Variants in RAB12 observed in about 807,000 individuals in gnomAD.
The protein encoded by RAB12 is RAB12, member RAS oncogene family.
Under a neutral mutation model 28.4 loss-of-function variants are expected in RAB12, and 11 were observed. That is an observed-to-expected ratio of 0.39 (90% CI 0.24 to 0.64). The LOEUF is 0.64. Ranked by LOEUF, RAB12 falls within the 30% of genes least tolerant of loss-of-function variation. The probability of loss-of-function intolerance (pLI) is 0.50; values close to 1 mark genes in which losing one functional copy is unlikely to be tolerated. For missense variants in RAB12, 276 were observed against 351.1 expected (o/e 0.79, Z 1.71); for synonymous variants, 138 against 145.3 (o/e 0.95, Z 0.36).
intron 1 of RAB12, among the ~76,000 whole-genome samples, chr18:8,613,485 C>T (rs930327621): frequency 6.6e-6 from 1 of 151,936 alleles, no homozygotes; most frequent in Admixed American, 6.6e-5. Flanking sequence ...CTAGCAATGC[C>T]GAATTCTTGA....
In RAB12 at chr18:8,633,184, C is replaced by G. The variant is rs757541881; in HGVS notation, c.576-5C>G. 38 of 1,613,748 alleles carry G rather than the reference C, an allele frequency of 2.4e-5. No homozygotes were observed. The highest frequency in any genetic ancestry group is 3.1e-5 in the Non-Finnish European group (36 of 1,179,936). ...TGGGAACTGACTTTGGCTGCTTTTT[C>G]TTAGGGACACAGCAGGTCAGGAGAG... On this transcript the variant is annotated splice_region_variant and splice_polypyrimidine_tract_variant and intron_variant, in intron 2 of 5. Coordinates refer to ENST00000649141, the MANE Select transcript of RAB12 (RefSeq NM_001025300.3).
At chr18:8,613,869 G>GTAGTAGTA (rs1567892104) in intron 1 of RAB12, among the ~76,000 whole-genome samples, 1 of 132,106 alleles carries the variant, frequency 7.6e-6, no homozygotes, top group Non-Finnish European at 1.6e-5. Context: ...TAGTAGTAGT[G>GTAGTAGTA]GTCACTGCTA....
intron 1 of RAB12, 67 bp downstream of exon 1, chr18:8,610,020 G>C (rs1253673262): frequency 7.9e-7 from 1 of 1,269,082 alleles, no homozygotes; most frequent in Non-Finnish European, 1.1e-6. Flanking sequence ...TCGCCCCGTG[G>C]GCTTCGAGTC....
At chr18:8,630,722 C>A (rs1260761124) in intron 2 of RAB12, among the ~76,000 whole-genome samples, 1 of 152,180 alleles carries the variant, frequency 6.6e-6, no homozygotes, top group Non-Finnish European at 1.5e-5. Context: ...TGGCCAGTGT[C>A]AGCCTGGAGA....
chr18:8,638,561 TAAATA>T lies in RAB12; in HGVS notation c.*301_*305del. 1 of 229,026 alleles carries T rather than the reference TAAATA, an allele frequency of 4.4e-6. No individual in the cohort carries two copies. Among genetic ancestry groups the T allele is most frequent in the Non-Finnish European group, 8.5e-6 (1 of 116,988 alleles). The allele number at this position is 229,026 out of a possible 1,614,324, so 14.2% of individuals were successfully genotyped here. A position where few individuals can be genotyped will look rare whatever the true frequency, so the allele number is the denominator to read the frequency against. On this transcript the variant is annotated 3_prime_UTR_variant, in exon 6 of 6. Coordinates refer to ENST00000649141, the MANE Select transcript of RAB12 (RefSeq NM_001025300.3). ...ATGAAAGGTATAATGTTTCTTGAAA[TAAATA>T]ATATAATTGTCCTTATTAATTATAT...
intron 2 of RAB12, among the ~76,000 whole-genome samples, chr18:8,626,665 C>T (rs1393279993): frequency 6.6e-6 from 1 of 152,204 alleles, no homozygotes; most frequent in African/African-American, 2.4e-5. Context: ...TGGAATCCCC[C>T]TCGGGGAGAA....
At chr18:8,634,787 G>A (rs1180420274) in intron 3 of RAB12, among the ~76,000 whole-genome samples, 5 of 152,140 alleles carry the variant, frequency 3.3e-5, no homozygotes, top group Admixed American at 2.6e-4. Context: ...ACTGGCCCAC[G>A]GCCACACCAT....
intron 1 of RAB12, among the ~76,000 whole-genome samples, chr18:8,611,781 C>T (rs1363084451): frequency 6.6e-6 from 1 of 152,192 alleles, no homozygotes; most frequent in Admixed American, 6.5e-5. Flanking sequence ...GTTTCTGTGT[C>T]CCTTAACAAA....
intron 1 of RAB12, among the ~76,000 whole-genome samples, chr18:8,621,035 CAGT>C (rs2096009612): frequency 6.6e-6 from 1 of 152,196 alleles, no homozygotes; most frequent in South Asian, 2.1e-4. Context: ...TCCCCATCAA[CAGT>C]GGTGGGGGCT....
intron 2 of RAB12, among the ~76,000 whole-genome samples, chr18:8,626,532 G>A (rs1269707882): frequency 6.6e-6 from 1 of 152,152 alleles, no homozygotes; most frequent in East Asian, 1.9e-4. Context: ...GATTTATAAA[G>A]TATGTCCAAA....
At chr18:8,617,625 C>A (rs1334637744) in intron 1 of RAB12, among the ~76,000 whole-genome samples, 1 of 152,112 alleles carries the variant, frequency 6.6e-6, no homozygotes, top group Non-Finnish European at 1.5e-5. Flanking sequence ...CCCTGTCTTA[C>A]TGTTAATTTT....
intron 1 of RAB12, among the ~76,000 whole-genome samples, chr18:8,619,184 T>C (rs2096008387): frequency 6.6e-6 from 1 of 152,188 alleles, no homozygotes; most frequent in African/African-American, 2.4e-5. Context: ...GTAAAATCTA[T>C]GGTCTGGTCC....
chr18:8,630,876 G>GTTTGTT (rs147933065), intron 2 of RAB12, among the ~76,000 whole-genome samples: 24 of 152,228 alleles, frequency 1.6e-4, no homozygotes, highest in East Asian at 1.4e-3. Context: ...GCCAATTCTG[G>GTTTGTT]TTTGTTTTTG....
chr18:8,633,497 G>A (rs1300838726), intron 3 of RAB12, among the ~76,000 whole-genome samples, 170 bp downstream of exon 3: 1 of 152,140 alleles, frequency 6.6e-6, no homozygotes, highest in Non-Finnish European at 1.5e-5. Flanking sequence ...TTGTGGATGA[G>A]GCAAAGAAGA....
intron 1 of RAB12, among the ~76,000 whole-genome samples, chr18:8,614,513 A>G (rs549296106): frequency 2.1e-5 from 3 of 141,892 alleles, no homozygotes; most frequent in Non-Finnish European, 3.1e-5. Context: ...ATTAAAAAAA[A>G]AAAAAGAAAA....
chr18:8,617,450 TG>T (rs2096007319), intron 1 of RAB12, among the ~76,000 whole-genome samples: 1 of 151,390 alleles, frequency 6.6e-6, no homozygotes, highest in African/African-American at 2.4e-5. Context: ...TGTTTGATCA[TG>T]GTTTTTTTTT....
chr18:8,620,595 AT>A (rs1285062300), intron 1 of RAB12, among the ~76,000 whole-genome samples: 1 of 149,760 alleles, frequency 6.7e-6, no homozygotes, highest in African/African-American at 2.5e-5. Context: ...GAATTTCCCT[AT>A]TTTTTCCCAA....
intron 2 of RAB12, among the ~76,000 whole-genome samples, chr18:8,629,024 A>G (rs951403069): frequency 6.6e-6 from 1 of 152,224 alleles, no homozygotes; most frequent in Non-Finnish European, 1.5e-5. Flanking sequence ...TGTGTTAACC[A>G]CTGATTTCAG....
chr18:8,617,452 GTTTTT>G (rs77242592), intron 1 of RAB12, among the ~76,000 whole-genome samples: 22 of 143,814 alleles, frequency 1.5e-4, no homozygotes, highest in African/African-American at 5.1e-4. Context: ...TTTGATCATG[GTTTTT>G]TTTTTTTTAA....
Sources: gnomAD v4.1 joint callset for allele counts (sites outside exome capture counted in the v4.1 genomes callset) on GRCh38, gnomAD v4.1.1 for gene constraint, MANE v1.5 for transcripts, NCBI Gene and HGNC (gene_info 2026-07-23, HGNC 2026-07-21) for gene names.